Variants in THSD7B observed in about 807,000 individuals in gnomAD.
THSD7B encodes the protein thrombospondin type-1 domain-containing protein 7B.
In THSD7B, 138 loss-of-function variants were observed where a neutral mutation model predicts 213.6. That is an observed-to-expected ratio of 0.65 (90% confidence interval 0.56 to 0.74). The LOEUF (loss-of-function observed/expected upper bound fraction) is 0.74. THSD7B is among the 30% of genes least tolerant of loss of function. The pLI is 0.00. For missense variants in THSD7B, 1,931 were observed against 1,991.5 expected, an observed-to-expected ratio of 0.97 and a Z score of 0.58; for synonymous variants, 742 against 687.0, an observed-to-expected ratio of 1.08 and a Z score of -1.25.
At chr2:137,142,825 A>G (rs891789670) in intron 5 of THSD7B, among the ~76,000 whole-genome samples, 2 of 152,040 alleles carry the variant, frequency 1.3e-5, no homozygotes, top group Admixed American at 6.6e-5. Flanking sequence ...AGTAAGGGCG[A>G]TTGTTTTCTT....
chr2:137,001,614 G>A (rs1686000495), intron 2 of THSD7B, among the ~76,000 whole-genome samples: 1 of 152,180 alleles, frequency 6.6e-6, no homozygotes, highest in East Asian at 1.9e-4. Flanking sequence ...TTCAAGTATG[G>A]CAACTAAAAC....
intron 15 of THSD7B, among the ~76,000 whole-genome samples, chr2:137,504,179 A>T (rs912404655): frequency 6.6e-6 from 1 of 152,126 alleles, no homozygotes; most frequent in Non-Finnish European, 1.5e-5. Context: ...GTTCTTTACA[A>T]TACCTCTGAC....
intron 2 of THSD7B, among the ~76,000 whole-genome samples, chr2:137,029,151 T>C (rs1686612522): frequency 6.8e-6 from 1 of 147,616 alleles, no homozygotes; most frequent in East Asian, 2.1e-4. Context: ...TGATCTCGGC[T>C]CACTGCAACC....
intron 11 of THSD7B, 107 bp downstream of exon 11, chr2:137,272,769 T>A: frequency 8.4e-7 from 1 of 1,192,172 alleles, no homozygotes; most frequent in South Asian, 1.4e-5. Flanking sequence ...AGAGGGGATC[T>A]GACATTTACA....
intron 12 of THSD7B, among the ~76,000 whole-genome samples, chr2:137,299,734 G>A (rs1469640908): frequency 3.3e-5 from 5 of 152,126 alleles, no homozygotes; most frequent in Non-Finnish European, 5.9e-5. Flanking sequence ...TTAACCGGCT[G>A]TTAAACGTAA....
intron 17 of THSD7B, among the ~76,000 whole-genome samples, chr2:137,588,059 G>C (rs1022370031): frequency 6.6e-6 from 1 of 152,144 alleles, no homozygotes; most frequent in Non-Finnish European, 1.5e-5. Flanking sequence ...CAGCCTGGCT[G>C]CCCCCTTGCA....
intron 3 of THSD7B, among the ~76,000 whole-genome samples, chr2:137,093,511 C>G (rs1425187501): frequency 1.3e-5 from 2 of 152,172 alleles, no homozygotes; most frequent in Non-Finnish European, 2.9e-5. Flanking sequence ...AGAGCTAGCT[C>G]CAGTATACCA....
chr2:137,315,239 C>T (rs375717954), intron 12 of THSD7B, among the ~76,000 whole-genome samples: 39 of 152,296 alleles, frequency 2.6e-4, no homozygotes, highest in South Asian at 8.3e-4. Flanking sequence ...ATCAGAAAAG[C>T]GCAGTATTCG....
intron 2 of THSD7B, among the ~76,000 whole-genome samples, chr2:136,949,177 C>T (rs1286177142): frequency 6.6e-6 from 1 of 152,170 alleles, no homozygotes; most frequent in African/African-American, 2.4e-5. Flanking sequence ...CCCTTGGCTA[C>T]TCCACCTTTT....
rs1688734515 is a variant in THSD7B at position 137,131,641 on chromosome 2, T to C, written c.1369+16348T>C. On this transcript the variant is annotated intron_variant, in intron 5 of 27. Transcript: ENST00000409968. ...GCACCATTTATTAAATAGGGAATCC[T>C]TTCCCCATTGCTTGTTTTTGTCAGA... is the stretch of plus-strand genomic sequence containing the variant. Among the ~76,000 whole-genome samples the C allele has an allele frequency of 2.0e-5, 3 of 152,354 alleles. No homozygotes were observed. The South Asian group carries it at 6.2e-4, about 32-fold the overall frequency.
chr2:137,024,337 G>T (rs1686503314), intron 2 of THSD7B, among the ~76,000 whole-genome samples: 1 of 152,082 alleles, frequency 6.6e-6, no homozygotes, highest in Admixed American at 6.6e-5. Flanking sequence ...TCTCTTTTGT[G>T]GGTTAGAGAC....
intron 3 of THSD7B, among the ~76,000 whole-genome samples, chr2:137,092,763 T>G (rs941113395): frequency 3.3e-5 from 5 of 152,158 alleles, no homozygotes; most frequent in Non-Finnish European, 5.9e-5. Flanking sequence ...GCCTCCCAAG[T>G]AGCTAGGACT....
At chr2:137,118,101 GAATTGGGAATGAA>G (rs1688477541) in intron 5 of THSD7B, among the ~76,000 whole-genome samples, 1 of 152,188 alleles carries the variant, frequency 6.6e-6, no homozygotes, top group Admixed American at 6.5e-5. Flanking sequence ...CAAGCCAATA[GAATTGGGAATGAA>G]AACGTAGAGA....
intron 15 of THSD7B, among the ~76,000 whole-genome samples, chr2:137,459,052 G>T (rs1687826804): frequency 6.6e-6 from 1 of 151,732 alleles, no homozygotes; most frequent in African/African-American, 2.4e-5. Context: ...AAAAAATTTT[G>T]AAATCTGTGT....
intron 2 of THSD7B, among the ~76,000 whole-genome samples, chr2:136,947,433 A>G (rs1185048456): frequency 1.3e-5 from 2 of 152,234 alleles, no homozygotes; most frequent in Admixed American, 1.3e-4. Flanking sequence ...ATCTATAATA[A>G]TAACATAAAA....
Position 137,677,624 on chromosome 2 carries a change from A to G in THSD7B, c.*1019A>G, listed in dbSNP as rs1174108301. The G allele has an allele frequency of 6.6e-6, 1 of 152,656 alleles. No individual in the cohort carries two copies. Among genetic ancestry groups the G allele is most frequent in the Non-Finnish European group, 1.5e-5 (1 of 68,036 alleles). 9.5% of individuals were successfully genotyped at this position (152,656 alleles called of 1,614,324 possible). A position where few individuals can be genotyped will look rare whatever the true frequency, so the allele number is the denominator to read the frequency against. ...AAAAAGCTGAGACCATTTTATGAAG[A>G]TAATTGTTTGTAATCATAGGTGTTG... On this transcript the variant is annotated 3_prime_UTR_variant, in exon 28 of 28. Coordinates refer to ENST00000409968, the MANE Select transcript of THSD7B (RefSeq NM_001316349.2).
At chr2:136,934,582 G>A (rs1055927356) in intron 2 of THSD7B, among the ~76,000 whole-genome samples, 10 of 152,114 alleles carry the variant, frequency 6.6e-5, no homozygotes, top group African/African-American at 2.4e-4. Context: ...TTTAGCAAGA[G>A]GTTAGGAAGC....
At chr2:137,293,859 G>A (rs893908172) in intron 12 of THSD7B, among the ~76,000 whole-genome samples, 4 of 152,002 alleles carry the variant, frequency 2.6e-5, no homozygotes, top group African/African-American at 9.7e-5. Context: ...TTCCAACATT[G>A]CTATCTCATT....
At chr2:136,779,334 A>G (rs2465095) in intron 1 of THSD7B, among the ~76,000 whole-genome samples, 82,322 of 151,654 alleles carry the variant, frequency 0.54, 23,436 homozygotes, top group East Asian at 0.94. Flanking sequence ...TTATGACCCA[A>G]TTTCTCAGGG....
Sources: gnomAD v4.1 joint callset for allele counts (sites outside exome capture counted in the v4.1 genomes callset) on GRCh38, gnomAD v4.1.1 for gene constraint, MANE v1.5 for transcripts, NCBI Gene and HGNC (gene_info 2026-07-23, HGNC 2026-07-21) for gene names.